Variants in DMRT1 observed in about 807,000 individuals in gnomAD.
DMRT1 encodes doublesex- and mab-3-related transcription factor 1.
DMRT1 carries 7 observed loss-of-function variants against 32.3 expected under a neutral mutation model. That is an observed-to-expected ratio of 0.22 (90% CI 0.12 to 0.41). The LOEUF (loss-of-function observed/expected upper bound fraction) is 0.41. Among genes scored for constraint, DMRT1 ranks in the 10% least tolerant of loss-of-function variants. The pLI, the probability that DMRT1 is intolerant of heterozygous loss-of-function variation, is 1.00. For synonymous variants in DMRT1, 278 were observed against 206.1 expected, an observed-to-expected ratio of 1.35 and a Z score of -2.99; for missense variants, 625 against 500.5, an observed-to-expected ratio of 1.25 and a Z score of -2.37.
intron 3 of DMRT1, among the ~76,000 whole-genome samples, chr9:898,144 G>A (rs1047978955): frequency 6.8e-5 from 10 of 146,452 alleles, no homozygotes; most frequent in African/African-American, 2.5e-4. Flanking sequence ...TTTTGAGACA[G>A]GGCCTCACTC....
intron 2 of DMRT1, among the ~76,000 whole-genome samples, chr9:879,908 C>T (rs530922028): frequency 6.6e-6 from 1 of 152,252 alleles, no homozygotes; most frequent in South Asian, 2.1e-4. Flanking sequence ...TACAAAATAC[C>T]AGAAAATCAC....
chr9:895,992 A>G (rs898568074), intron 3 of DMRT1, among the ~76,000 whole-genome samples: 23 of 151,244 alleles, frequency 1.5e-4, no homozygotes, highest in Admixed American at 1.4e-3. Context: ...TTTAGTAGAG[A>G]CGGGGTTTCA....
chr9:882,507 G>A (rs1464189817), intron 2 of DMRT1, among the ~76,000 whole-genome samples: 3 of 152,084 alleles, frequency 2.0e-5, no homozygotes, highest in Admixed American at 1.3e-4. Flanking sequence ...CCTTTGCACT[G>A]TTAATCACCT....
intron 2 of DMRT1, among the ~76,000 whole-genome samples, chr9:868,440 T>C (rs1354974187): frequency 6.6e-6 from 1 of 152,174 alleles, no homozygotes; most frequent in Non-Finnish European, 1.5e-5. Context: ...CTTCACTACT[T>C]AGAATAAAAG....
At position 888,965 on chromosome 9, in the gene DMRT1, A is replaced by T. The variant is rs575307045; in HGVS notation, c.539-4947A>T. 6.6e-3 allele frequency among the ~76,000 whole-genome samples: 785 copies of T among 119,072 alleles called. 6 individuals carry two copies. The highest frequency in any genetic ancestry group is 0.032 in the African/African-American group (758 of 23,888). The allele number at this position is 119,072 out of a possible 152,430, so 78.1% of individuals were successfully genotyped here. On this transcript the variant is annotated intron_variant, in intron 2 of 4. Transcript: ENST00000382276. ...AACATGGTGAGACCCCATCTGTATT[A>T]AAAAAAAAAAAAAAGAATTTCTGGA...
intron 1 of DMRT1, 73 bp from the exon 2 acceptor site, chr9:846,887 G>A (rs1006698158): frequency 6.4e-7 from 1 of 1,562,660 alleles, no homozygotes; most frequent in Non-Finnish European, 8.8e-7. Flanking sequence ...TGTCTGGGAT[G>A]GGTGGGGCTT....
chr9:859,335 T>A (rs1405269135), intron 2 of DMRT1, among the ~76,000 whole-genome samples: 1 of 152,126 alleles, frequency 6.6e-6, no homozygotes, highest in South Asian at 2.1e-4. Context: ...TAACACCTTA[T>A]GCAGTACACT....
At chr9:862,474 AG>A (rs1317471042) in intron 2 of DMRT1, among the ~76,000 whole-genome samples, 1 of 115,106 alleles carries the variant, frequency 8.7e-6, no homozygotes, top group Non-Finnish European at 1.7e-5. Context: ...TCGGCATCAG[AG>A]GGAGACGGTG....
At chr9:887,005 C>T (rs1164616968) in intron 2 of DMRT1, among the ~76,000 whole-genome samples, 1 of 152,200 alleles carries the variant, frequency 6.6e-6, no homozygotes, top group Non-Finnish European at 1.5e-5. Context: ...GATTGCTTTC[C>T]TGGTCTCTGG....
At chr9:878,200 G>GCCACCCCCCCCCC (rs1816584669) in intron 2 of DMRT1, among the ~76,000 whole-genome samples, 1 of 94,040 alleles carries the variant, frequency 1.1e-5, no homozygotes, top group African/African-American at 4.3e-5. Flanking sequence ...TGCAGCTGCT[G>GCCACCCCCCCCCC]CCCCCCCCCC....
At chr9:946,956 C>T (rs1040143462) in intron 4 of DMRT1, among the ~76,000 whole-genome samples, 4 of 152,114 alleles carry the variant, frequency 2.6e-5, no homozygotes, top group African/African-American at 7.2e-5. Flanking sequence ...ACCAAAGAGC[C>T]GATAATGTTA....
intron 4 of DMRT1, among the ~76,000 whole-genome samples, chr9:934,108 A>G (rs1418775254): frequency 1.3e-5 from 2 of 152,180 alleles, no homozygotes; most frequent in African/African-American, 4.8e-5. Context: ...CCCAGAGTGG[A>G]AAACTTGTCT....
chr9:864,392 C>T (rs1186762862), intron 2 of DMRT1, among the ~76,000 whole-genome samples: 1 of 151,812 alleles, frequency 6.6e-6, no homozygotes, highest in Non-Finnish European at 1.5e-5. Flanking sequence ...TTAGTTTCAC[C>T]ATGATGACCA....
intron 4 of DMRT1, among the ~76,000 whole-genome samples, chr9:942,125 G>A (rs1451170350): frequency 1.3e-5 from 2 of 152,156 alleles, no homozygotes; most frequent in Admixed American, 6.5e-5. Context: ...GAATAAAATT[G>A]CCCATGACCA....
intron 4 of DMRT1, among the ~76,000 whole-genome samples, chr9:938,904 C>T (rs187550600): frequency 4.6e-5 from 7 of 152,314 alleles, no homozygotes; most frequent in Admixed American, 2.0e-4. Flanking sequence ...ATGTTGAACA[C>T]TAATAGCCTG....
At chr9:858,510 C>T (rs943208704) in intron 2 of DMRT1, among the ~76,000 whole-genome samples, 3 of 149,110 alleles carry the variant, frequency 2.0e-5, no homozygotes, top group African/African-American at 7.8e-5. Context: ...CCTTTTTGTC[C>T]TCTTTTTATA....
At chr9:927,093 A>T (rs1217215122) in intron 4 of DMRT1, among the ~76,000 whole-genome samples, 1 of 151,952 alleles carries the variant, frequency 6.6e-6, no homozygotes, top group African/African-American at 2.4e-5. Context: ...GGCCCTAGCG[A>T]TTTTTTTCAG....
intron 2 of DMRT1, among the ~76,000 whole-genome samples, chr9:885,753 G>C (rs1816903101): frequency 1.3e-5 from 2 of 150,970 alleles, no homozygotes; most frequent in Admixed American, 1.3e-4. Flanking sequence ...ATGGGCACAG[G>C]CTTCTGCAGT....
At chr9:848,661 C>A (rs1839009706) in intron 2 of DMRT1, among the ~76,000 whole-genome samples, 1 of 146,778 alleles carries the variant, frequency 6.8e-6, no homozygotes, top group African/African-American at 2.5e-5. Flanking sequence ...TCAAATGATT[C>A]TCCTGTCTTA....
Sources: gnomAD v4.1 joint callset for allele counts (sites outside exome capture counted in the v4.1 genomes callset) on GRCh38, gnomAD v4.1.1 for gene constraint, MANE v1.5 for transcripts, NCBI Gene and HGNC (gene_info 2026-07-23, HGNC 2026-07-21) for gene names.